RTN4RL2: variants seen among roughly 807,000 people sequenced by gnomAD.
RTN4RL2 encodes the protein reticulon-4 receptor-like 2.
Under a neutral mutation model 27.8 loss-of-function variants are expected in RTN4RL2, and 9 were observed. The observed-to-expected ratio is 0.32, with a 90% CI of 0.20 to 0.57. The LOEUF (loss-of-function observed/expected upper bound fraction) is 0.57, where lower values mean the gene tolerates loss of function less well. RTN4RL2 is among the 20% of genes least tolerant of loss of function. RTN4RL2 has a pLI of 0.90. For missense variants in RTN4RL2, 436 were observed against 596.8 expected (o/e 0.73, Z 2.81); for synonymous variants, 285 against 297.9 (o/e 0.96, Z 0.45).
intron 1 of RTN4RL2, among the ~76,000 whole-genome samples, chr11:57,466,655 C>T (rs1210896021): frequency 2.0e-5 from 3 of 152,118 alleles, no homozygotes; most frequent in South Asian, 4.1e-4. Context: ...TCTGCAAGGG[C>T]GAAAAGTACA....
chr11:57,473,468 T>G (rs1590733668), intron 2 of RTN4RL2, among the ~76,000 whole-genome samples: 1 of 151,584 alleles, frequency 6.6e-6, no homozygotes, highest in African/African-American at 2.4e-5. Flanking sequence ...AGATTCCAAA[T>G]GGATGCAGAG....
chr11:57,464,648 G>A (rs1395259675), intron 1 of RTN4RL2, among the ~76,000 whole-genome samples: 1 of 152,196 alleles, frequency 6.6e-6, no homozygotes, highest in Admixed American at 6.5e-5. Flanking sequence ...CTCTCTCTGA[G>A]CTCCAGTCAT....
chr11:57,474,503 C>T (rs572075079), intron 2 of RTN4RL2, among the ~76,000 whole-genome samples: 1 of 152,186 alleles, frequency 6.6e-6, no homozygotes, highest in Admixed American at 6.5e-5. Flanking sequence ...AGGGAACAGG[C>T]CCCCTGGGTG....
rs1196104683 is a variant in RTN4RL2 at position 57,460,717 on chromosome 11, G to A, written c.-149G>A. 4.4e-5 allele frequency: 16 copies of A among 361,438 alleles called. No individual in the cohort carries two copies. The Admixed American group carries it at 6.7e-4, about 15-fold the overall frequency. 22.4% of individuals were successfully genotyped at this position (361,438 alleles called of 1,614,324 possible). A position where few individuals can be genotyped will look rare whatever the true frequency, so the allele number is the denominator to read the frequency against. ...CGAGGCCCGCAGCCCGGGCGGCGCA[G>A]GGTAGAGCGCCGCGGCCCGGCCACG... is the stretch of plus-strand genomic sequence containing the variant. On this transcript the variant is annotated 5_prime_UTR_variant, in exon 1 of 3. Transcript: ENST00000335099.
In RTN4RL2 at chr11:57,467,617, TCGGCCTG is replaced by T. The variant is rs1482722670; in HGVS notation, c.42_48del (p.Ala15SerfsTer3). ...GCTTCCCCTCCCCACAGCTCCCGCC[TCGGCCTG>T]CCTCCTGCTGATGCTCCTGGCCCTG... On this transcript the variant is annotated frameshift_variant, in exon 2 of 3. Coordinates refer to ENST00000335099, the MANE Select transcript of RTN4RL2 (RefSeq NM_178570.3). LOFTEE classifies it high-confidence loss of function. This position sits in a 1 kb window ranked among gnomAD's most constrained non-coding sequence, Gnocchi z 5.5. The T allele has an allele frequency of 6.2e-7, 1 of 1,605,856 alleles. No homozygotes were observed. Among genetic ancestry groups the T allele is most frequent in the East Asian group, 2.2e-5 (1 of 44,764 alleles).
chr11:57,466,252 G>A (rs1565114639), intron 1 of RTN4RL2, among the ~76,000 whole-genome samples: 3 of 151,890 alleles, frequency 2.0e-5, no homozygotes, highest in Admixed American at 6.6e-5. Context: ...TGATCCACCC[G>A]CCTCAGACTC....
chr11:57,466,339 A>C (rs999097840), intron 1 of RTN4RL2, among the ~76,000 whole-genome samples: 1 of 152,164 alleles, frequency 6.6e-6, no homozygotes, highest in East Asian at 1.9e-4. Context: ...GTGCAGTGGC[A>C]CGGGCCTGTG....
chr11:57,472,147 C>T (rs925848693), intron 2 of RTN4RL2, among the ~76,000 whole-genome samples: 5 of 151,930 alleles, frequency 3.3e-5, no homozygotes, highest in Non-Finnish European at 5.9e-5. Context: ...TGTGAGCCAC[C>T]GCACCCGCCG....
Position 57,476,310 on chromosome 11 carries a change from C to T in RTN4RL2, c.662C>T (p.Ala221Val), listed in dbSNP as rs1337716184. The change falls in exon 3 of 3, where the codon GCG (alanine) becomes GTG (valine). Residue 221 changes from alanine (A) to valine (V), a missense_variant. Transcript: ENST00000335099. The surrounding 1 kb of genome is among the most constrained non-coding windows in gnomAD (Gnocchi z 8.2). ...HGNRLQGVHR[A>V]AFRGLSRLTI... is the part of the protein sequence containing the mutation. ...AACCGGCTGCAGGGCGTGCACCGCG[C>T]GGCCTTCCGCGGCCTCAGCCGCCTC... The T allele has an allele frequency of 3.7e-6, 6 of 1,611,042 alleles. No individual in the cohort carries two copies. The East Asian group carries it at 8.9e-5, about 24-fold the overall frequency.
chr11:57,469,576 T>C (rs1228167917), intron 2 of RTN4RL2, among the ~76,000 whole-genome samples: 3 of 152,172 alleles, frequency 2.0e-5, no homozygotes, highest in Non-Finnish European at 4.4e-5. Context: ...CTTAGAATAG[T>C]GCTTGGCATA....
chr11:57,461,162 G>A (rs1269845987), intron 1 of RTN4RL2, among the ~76,000 whole-genome samples: 1 of 152,094 alleles, frequency 6.6e-6, no homozygotes, highest in Non-Finnish European at 1.5e-5. Context: ...GGGGAGGGAG[G>A]CTCAGGTTCC....
At chr11:57,466,823 G>T (rs1235647594) in intron 1 of RTN4RL2, among the ~76,000 whole-genome samples, 2 of 152,216 alleles carry the variant, frequency 1.3e-5, no homozygotes, top group Non-Finnish European at 2.9e-5. Context: ...GCAATGTCTG[G>T]AGACATTTTG....
intron 2 of RTN4RL2, among the ~76,000 whole-genome samples, chr11:57,472,430 C>CA (rs978227034): frequency 6.6e-6 from 1 of 151,952 alleles, no homozygotes; most frequent in Non-Finnish European, 1.5e-5. Flanking sequence ...AGGCTGGTCT[C>CA]AAACTCCTGA....
At chr11:57,464,091 C>T (rs904126621) in intron 1 of RTN4RL2, among the ~76,000 whole-genome samples, 2 of 152,216 alleles carry the variant, frequency 1.3e-5, no homozygotes, top group Non-Finnish European at 2.9e-5. Flanking sequence ...AGCACGGGGT[C>T]GCTCTTCAGA....
chr11:57,467,546 GC>G lies in RTN4RL2; in HGVS notation c.32-58del. The stretch of plus-strand genomic sequence containing the variant: ...GGCCTTTTACCAAGTTGGGGGGCTG[GC>G]CCCCAGCTGGCACTCCTGCCCTGGA... On this transcript the variant is annotated intron_variant, in intron 1 of 2. Coordinates refer to ENST00000335099, the MANE Select transcript of RTN4RL2 (RefSeq NM_178570.3). This position sits in a 1 kb window ranked among gnomAD's most constrained non-coding sequence, Gnocchi z 5.5. 6.5e-7 allele frequency: 1 copy of G among 1,539,924 alleles called. No individual in the cohort carries two copies. Among genetic ancestry groups the G allele is most frequent in the East Asian group, 2.3e-5 (1 of 44,292 alleles).
intron 2 of RTN4RL2, chr11:57,468,725 A>G (rs1289810768): frequency 6.5e-7 from 1 of 1,535,856 alleles, no homozygotes; most frequent in African/African-American, 1.4e-5. Flanking sequence ...AGAAGCCCAC[A>G]CCCCTTCTAG....
At position 57,475,136 on chromosome 11, in the gene RTN4RL2, C is replaced by T. The variant is rs561147570; in HGVS notation, c.514-1026C>T. Among the ~76,000 whole-genome samples, 17 of 152,288 alleles carry T rather than the reference C, an allele frequency of 1.1e-4. No individual in the cohort carries two copies. The South Asian group carries it at 3.3e-3, about 30-fold the overall frequency. On this transcript the variant is annotated intron_variant, in intron 2 of 2. Transcript: ENST00000335099. ...CCATTTATTGATGGTTGACTATGCA[C>T]CTGCCAGATACTGTACCCTTAACAG...
chr11:57,468,998 C>T, intron 2 of RTN4RL2: 1 of 643,800 alleles, frequency 1.6e-6, no homozygotes, highest in Non-Finnish European at 2.8e-6. Context: ...GGCTACAGAG[C>T]CTCCGGCTGG....
At chr11:57,469,630 A>C (rs530265573) in intron 2 of RTN4RL2, among the ~76,000 whole-genome samples, 2 of 152,250 alleles carry the variant, frequency 1.3e-5, no homozygotes, top group Non-Finnish European at 2.9e-5. Context: ...TATTTTAAAA[A>C]AAGAAACGAG....
Sources: allele counts gnomAD v4.1 joint callset (sites outside exome capture counted in the v4.1 genomes callset), GRCh38; gene constraint gnomAD v4.1.1; non-coding constraint Gnocchi (gnomAD v3.1); transcripts MANE v1.5; gene names NCBI Gene and HGNC (gene_info 2026-07-23, HGNC 2026-07-21).